SHF: variants seen among roughly 807,000 people sequenced by gnomAD.
SHF encodes the protein Src homology 2 domain containing F.
In SHF, 30 loss-of-function variants were observed where a neutral mutation model predicts 42.4. The observed-to-expected ratio is 0.71, with a 90% confidence interval of 0.53 to 0.96. The LOEUF is 0.96. SHF is among the 40% of genes least tolerant of loss of function. The probability of loss-of-function intolerance (pLI) is 0.00; values close to 1 mark genes in which losing one functional copy is unlikely to be tolerated. For synonymous variants in SHF, 264 were observed against 269.9 expected, an observed-to-expected ratio of 0.98 and a Z score of 0.21; for missense variants, 598 against 634.0, an observed-to-expected ratio of 0.94 and a Z score of 0.61.
intron 1 of SHF, among the ~76,000 whole-genome samples, chr15:45,199,482 C>T (rs1341742164): frequency 6.6e-6 from 1 of 152,188 alleles, no homozygotes; most frequent in Admixed American, 6.5e-5. Flanking sequence ...CATCAATCCT[C>T]CCTATGCAGA....
intron 6 of SHF, among the ~76,000 whole-genome samples, chr15:45,168,411 A>G (rs1035148673): frequency 2.6e-5 from 4 of 152,144 alleles, no homozygotes; most frequent in African/African-American, 9.7e-5. Context: ...AAACTGAGCG[A>G]CCAGCACCTC....
intron 1 of SHF, 48 bp from the exon 2 acceptor site, chr15:45,178,354 AC>A (rs747726334): frequency 1.9e-6 from 3 of 1,585,004 alleles, no homozygotes; most frequent in African/African-American, 2.7e-5. Context: ...CAGAGAGGCA[AC>A]TCTGCTTCTC....
In SHF at chr15:45,167,828, A is replaced by G. The variant is rs748425268; in HGVS notation, c.*119T>C. ...ATAAATTAAGGAATCTCCAGCTTCT[A>G]CTGGATCCCAGGAGAAGAAAGGTTT... On this transcript the variant is annotated 3_prime_UTR_variant, in exon 7 of 7. Coordinates refer to ENST00000690270, the MANE Select transcript of SHF (RefSeq NM_001394037.1). 1.3e-4 allele frequency: 130 copies of G among 972,782 alleles called. No homozygotes were observed. The highest frequency in any genetic ancestry group is 1.8e-4 in the Non-Finnish European group (126 of 705,276). The allele number at this position is 972,782 out of a possible 1,614,324, so 60.3% of individuals were successfully genotyped here.
rs1898510553 is a variant in SHF at position 45,187,687 on chromosome 15, G to A, written c.265C>T (p.Pro89Ser). Residue 89 changes from proline (P) to serine (S), a missense_variant, in exon 1 of 7, where the codon CCG becomes TCG. Pro to Ser is a moderately conservative substitution (Grantham distance 74, BLOSUM62 -1). This residue lies in a region of SHF where 159 missense variants were observed against 109.3 expected (regional missense o/e 1.45). Coordinates refer to ENST00000690270, the MANE Select transcript of SHF (RefSeq NM_001394037.1). Reference sequence around the variant, plus strand: ...TAGGCGGCCAGGATGTCCGGGGGCGGCGCGGGGGGCGCGGCCGGAGAGGGC... The same window carrying A: ...TAGGCGGCCAGGATGTCCGGGGGCGACGCGGGGGGCGCGGCCGGAGAGGGC... ...PAPSPAAPPAPPPDILAAYRL... is the reference protein window; with the variant it reads ...PAPSPAAPPASPPDILAAYRL... The A allele has an allele frequency of 3.3e-6, 4 of 1,212,512 alleles. No individual in the cohort carries two copies. In the South Asian group the frequency reaches 1.2e-4, roughly 38 times the overall value. 75.1% of individuals were successfully genotyped at this position (1,212,512 alleles called of 1,614,324 possible).
chr15:45,177,932 C>T (rs1897908330), intron 2 of SHF, among the ~76,000 whole-genome samples: 1 of 152,208 alleles, frequency 6.6e-6, no homozygotes, highest in African/African-American at 2.4e-5. Context: ...ATCTTGAATA[C>T]TTCTATCTGA....
chr15:45,181,290 G>T (rs961717398), intron 1 of SHF: 11 of 152,400 alleles, frequency 7.2e-5, no homozygotes, highest in African/African-American at 2.7e-4. Flanking sequence ...CCCTGGGCTG[G>T]GATGCCCAAA....
Position 45,187,566 on chromosome 15 carries a change from G to A in SHF, c.386C>T (p.Pro129Leu), listed in dbSNP as rs1898499150. ...TGGGGGAGAGCCGTGGCGCGGGGGC[G>A]GCGTGGGTCCGGGGGCGACAGGGGT... ...LATPVAPGPTPPPRHGSPPHR... is the reference protein window; with the variant it reads ...LATPVAPGPTLPPRHGSPPHR... Residue 129 changes from proline (P) to leucine (L), a missense_variant, in exon 1 of 7, where the codon CCG becomes CTG. Physicochemically the swap from Pro to Leu is moderately conservative, Grantham distance 98 (BLOSUM62 -3). Coordinates refer to ENST00000690270, the MANE Select transcript of SHF (RefSeq NM_001394037.1). 5 of 1,229,098 alleles carry A rather than the reference G, an allele frequency of 4.1e-6. No individual in the cohort carries two copies. The highest frequency in any genetic ancestry group is 6.3e-5 in the East Asian group (2 of 31,614). 76.1% of individuals were successfully genotyped at this position (1,229,098 alleles called of 1,614,324 possible). A position where few individuals can be genotyped will look rare whatever the true frequency, so the allele number is the denominator to read the frequency against.
chr15:45,177,113 TTATTG>T (rs1445040335), intron 2 of SHF, among the ~76,000 whole-genome samples: 6 of 152,208 alleles, frequency 3.9e-5, no homozygotes, highest in East Asian at 1.9e-4. Context: ...GAAGAGCAGT[TTATTG>T]TATTGGTCAG....
intron 1 of SHF, among the ~76,000 whole-genome samples, chr15:45,181,953 A>G (rs77610303): frequency 0.034 from 5,138 of 152,330 alleles, 313 homozygotes; most frequent in African/African-American, 0.12. Context: ...CTAGTAAAGT[A>G]GCTACTACCC....
chr15:45,171,916 T>C lies in SHF; in HGVS notation c.1247A>G (p.Glu416Gly), dbSNP rs753944845. 6.2e-7 allele frequency: 1 copy of C among 1,613,748 alleles called. No individual in the cohort carries two copies. The highest frequency in any genetic ancestry group is 1.3e-5 in the African/African-American group (1 of 75,020). ...GAGGGAGAAGTCATTCTTGCTGGTC[T>C]CACTGTTGCGCACCAGGTAGCTGGC... ...KEASYLVRNS[E>G]TSKNDFSLSL... The change falls in exon 6 of 7, where the codon GAG (glutamate) becomes GGG (glycine). Residue 416 changes from glutamate to glycine, a missense_variant. By Grantham distance (98) the Glu-to-Gly change is moderately conservative. Around this residue, in one of 2 missense-constraint regions of SHF, gnomAD observed 439 missense variants for 524.6 expected, o/e 0.84. Transcript: ENST00000690270.
chr15:45,172,124 C>A, intron 5 of SHF, 23 bp downstream of exon 5: 1 of 1,613,802 alleles, frequency 6.2e-7, no homozygotes. Flanking sequence ...GGAGGGAGTC[C>A]CCAGCTGGAC....
rs972429192 is a variant in SHF at position 45,187,667 on chromosome 15, G to A, written c.285C>T (p.Ala95=). The change falls in exon 1 of 7, where the codon GCC becomes GCT. Residue 95 remains alanine (A), a synonymous_variant. Coordinates refer to ENST00000690270, the MANE Select transcript of SHF (RefSeq NM_001394037.1). The part of the protein sequence containing the change: ...APPAPPPDIL[A]AYRLQRERDF... ...CGCGCTCCCGCTGCAGCCTGTAGGCGGCCAGGATGTCCGGGGGCGGCGCGG... is the reference window on the plus strand; with the variant it reads ...CGCGCTCCCGCTGCAGCCTGTAGGCAGCCAGGATGTCCGGGGGCGGCGCGG... The A allele has an allele frequency of 1.6e-6, 2 of 1,225,436 alleles. No homozygotes were observed. The allele number at this position is 1,225,436 out of a possible 1,614,324, so 75.9% of individuals were successfully genotyped here. A position where few individuals can be genotyped will look rare whatever the true frequency, so the allele number is the denominator to read the frequency against.
intron 6 of SHF, chr15:45,171,282 C>A: frequency 6.5e-6 from 1 of 153,936 alleles, no homozygotes; most frequent in Non-Finnish European, 1.4e-5. Context: ...GAGGGAGGGC[C>A]TTGCCTCCTC....
chr15:45,175,380 TAC>T lies in SHF; in HGVS notation c.684_685del (p.Tyr229Ter). The T allele has an allele frequency of 6.3e-7, 1 of 1,596,500 alleles. No homozygotes were observed. The highest frequency in any genetic ancestry group is 8.5e-7 in the Non-Finnish European group (1 of 1,171,452). ...CTCCTCTGGCTCATAGGGTGTGTCA[TAC>T]AGAGGCAAGGGCTGAGTTGCTGTCT... On this transcript the variant is annotated frameshift_variant, in exon 3 of 7. Coordinates refer to ENST00000690270, the MANE Select transcript of SHF (RefSeq NM_001394037.1). LOFTEE classifies it high-confidence loss of function.
intron 1 of SHF, among the ~76,000 whole-genome samples, chr15:45,182,986 A>G (rs900010486): frequency 1.5e-4 from 23 of 152,254 alleles, no homozygotes; most frequent in African/African-American, 5.5e-4. Context: ...AGCAACCCTC[A>G]TAAGACCCTT....
At chr15:45,200,342 T>A (rs1171780093) in intron 1 of SHF, 1 of 183,136 alleles carries the variant, frequency 5.5e-6, no homozygotes, top group Non-Finnish European at 1.2e-5. Context: ...TCCACAATGT[T>A]GTGAACTCAG....
chr15:45,200,250 C>T (rs1899030417), intron 1 of SHF: 1 of 164,168 alleles, frequency 6.1e-6, no homozygotes, highest in African/African-American at 2.4e-5. Context: ...GACCCGGAAG[C>T]CTATATCTTT....
chr15:45,186,592 A>G (rs1898417244), intron 1 of SHF, among the ~76,000 whole-genome samples: 1 of 152,228 alleles, frequency 6.6e-6, no homozygotes, highest in South Asian at 2.1e-4. Context: ...CAGGGCCCTG[A>G]GGCATGGTGG....
upstream of SHF, among the ~76,000 whole-genome samples, chr15:45,189,703 G>A (rs944201457): frequency 6.6e-6 from 1 of 151,866 alleles, no homozygotes; most frequent in African/African-American, 2.4e-5. Context: ...TCTGCCTTTT[G>A]AGGGCGCAAA....
Sources: gnomAD v4.1 joint callset for allele counts (sites outside exome capture counted in the v4.1 genomes callset) on GRCh38, gnomAD v4.1.1 for gene constraint, gnomAD v4.1.1 regional missense constraint, MANE v1.5 for transcripts, NCBI Gene and HGNC (gene_info 2026-07-23, HGNC 2026-07-21) for gene names.